Variants in PEAR1 observed in about 807,000 individuals in gnomAD.
PEAR1 encodes multiple EGF-like domains protein 12.
In PEAR1, 113 loss-of-function variants were observed where a neutral mutation model predicts 131.2. The observed-to-expected ratio is 0.86, with a 90% confidence interval of 0.74 to 1.01. The LOEUF is 1.01. PEAR1 is among the 50% of genes least tolerant of loss of function. The probability of loss-of-function intolerance (pLI) is 0.00; values close to 1 mark genes in which losing one functional copy is unlikely to be tolerated. For synonymous variants in PEAR1, 565 were observed against 523.3 expected (o/e 1.08, Z -1.09); for missense variants, 1,408 against 1,391.1 (o/e 1.01, Z -0.19).
chr1:156,899,181 A>T (rs1016722952), intron 1 of PEAR1, among the ~76,000 whole-genome samples: 1 of 152,116 alleles, frequency 6.6e-6, no homozygotes, highest in African/African-American at 2.4e-5. Context: ...GGATCAGAGG[A>T]CTCAAGTTAT....
chr1:156,910,686 C>T lies in PEAR1; in HGVS notation c.1894C>T (p.Pro632Ser). The T allele has an allele frequency of 6.2e-7, 1 of 1,614,144 alleles. No individual in the cohort carries two copies. The highest frequency in any genetic ancestry group is 8.5e-7 in the Non-Finnish European group (1 of 1,180,030). ...GTGCGCTAACCACTCCTTCTGCCAC[C>T]CCTCGAACGGGACCTGCTACTGCCT... ...CKCANHSFCH[P>S]SNGTCYCLAG... Residue 632 changes from proline (P) to serine (S), a missense_variant, in exon 15 of 23, where the codon CCC becomes TCC. By Grantham distance (74) the Pro-to-Ser change is moderately conservative. Coordinates refer to ENST00000292357, the MANE Select transcript of PEAR1 (RefSeq NM_001080471.3).
chr1:156,899,981 T>TC (rs1277130905), intron 1 of PEAR1, among the ~76,000 whole-genome samples: 2 of 151,852 alleles, frequency 1.3e-5, no homozygotes, highest in Non-Finnish European at 2.9e-5. Flanking sequence ...GGAACTCTAA[T>TC]CCCCCCCACC....
At position 156,908,078 on chromosome 1, in the gene PEAR1, C is replaced by CTGCGTGGGGCGGGGTG. The variant is rs1558136046; in HGVS notation, c.902+27_902+28insTGCGTGGGGCGGGGTG. On this transcript the variant is annotated intron_variant, in intron 8 of 22. Transcript: ENST00000292357. The surrounding 1 kb of genome is among the most constrained non-coding windows in gnomAD (Gnocchi z 4.2). The stretch of plus-strand genomic sequence containing the variant: ...TGAGTGGCGTGGGGCGGGCGGGAGA[C>CTGCGTGGGGCGGGGTG]GGGAGGGAGGAGGTGGGGCGCCGCC... 2.7e-6 allele frequency: 2 copies of CTGCGTGGGGCGGGGTG among 741,732 alleles called. No homozygotes were observed. The highest frequency in any genetic ancestry group is 4.3e-5 in the Admixed American group (2 of 47,046). 45.9% of individuals were successfully genotyped at this position (741,732 alleles called of 1,614,324 possible). A position where few individuals can be genotyped will look rare whatever the true frequency, so the allele number is the denominator to read the frequency against.
chr1:156,912,572 C>T lies in PEAR1; in HGVS notation c.2159C>T (p.Thr720Ile). The change falls in exon 17 of 23, where the codon ACT becomes ATT. Residue 720 changes from threonine to isoleucine, a missense_variant. By Grantham distance (89) the Thr-to-Ile change is moderately conservative. Coordinates refer to ENST00000292357, the MANE Select transcript of PEAR1 (RefSeq NM_001080471.3). ...CCTGGAGAAAAGTGCCACCCAGAGA[C>T]TGGGGCCTGTGTATGTCCCCCAGGG... ...CGPGEKCHPE[T>I]GACVCPPGHS... 1 of 1,614,086 alleles carries T rather than the reference C, an allele frequency of 6.2e-7. No individual in the cohort carries two copies.
intron 15 of PEAR1, among the ~76,000 whole-genome samples, chr1:156,911,102 C>CTTTCTTTCCTTCCTTTCTTTCT (rs1651081480): frequency 8.4e-6 from 1 of 119,104 alleles, no homozygotes; most frequent in South Asian, 2.8e-4. Flanking sequence ...TCCTTTCTTT[C>CTTTCTTTCCTTCCTTTCTTTCT]TTTCTTTTCT....
At chr1:156,898,401 C>T (rs1490149922) in intron 1 of PEAR1, among the ~76,000 whole-genome samples, 1 of 152,202 alleles carries the variant, frequency 6.6e-6, no homozygotes, top group East Asian at 1.9e-4. Flanking sequence ...ACTCTGGCCG[C>T]ATACGCAGGC....
intron 1 of PEAR1, among the ~76,000 whole-genome samples, chr1:156,894,350 TA>T (rs1186238183): frequency 6.6e-6 from 1 of 152,202 alleles, no homozygotes; most frequent in Non-Finnish European, 1.5e-5. Context: ...AGGAGAATAA[TA>T]TAGGGCCTAC....
intron 14 of PEAR1, 110 bp downstream of exon 14, chr1:156,910,490 C>G: frequency 1.3e-6 from 2 of 1,547,438 alleles, no homozygotes; most frequent in Non-Finnish European, 1.7e-6. Flanking sequence ...CCACCTTACC[C>G]CCGGTCTCTT....
At chr1:156,913,120 C>T (rs1382875640) in intron 18 of PEAR1, 74 bp from the exon 19 acceptor site, 8 of 1,562,122 alleles carry the variant, frequency 5.1e-6, no homozygotes, top group Non-Finnish European at 7.0e-6. Context: ...AAGTACTGAT[C>T]TCCGGGGACA....
In PEAR1 at chr1:156,912,912, C is replaced by G. The variant is rs1651400418; in HGVS notation, c.2352C>G (p.Gly784=). The G allele has an allele frequency of 1.9e-6, 3 of 1,614,240 alleles. No homozygotes were observed. The highest frequency in any genetic ancestry group is 2.5e-6 in the Non-Finnish European group (3 of 1,180,040). ...LFIGYRHWQK[G]KEHHHLAVAY... is the part of the protein sequence containing the mutation. ...TTGGCTATCGGCACTGGCAAAAAGG[C>G]AAGGAGCACCACCACCTGGCTGTGG... The change falls in exon 18 of 23, where the codon GGC becomes GGG. Residue 784 remains glycine (G), a synonymous_variant. Coordinates refer to ENST00000292357, the MANE Select transcript of PEAR1 (RefSeq NM_001080471.3).
chr1:156,914,847 C>T lies in PEAR1; in HGVS notation c.*49C>T, dbSNP rs1227884741. On this transcript the variant is annotated 3_prime_UTR_variant, in exon 23 of 23. Transcript: ENST00000292357. The stretch of plus-strand genomic sequence containing the variant: ...GCCAGCACACCTGGCTGTTGCTGCT[C>T]AAGGCTGGGGACAGAGCCTAGTGTA... The T allele has an allele frequency of 6.2e-7, 1 of 1,603,840 alleles. No homozygotes were observed. Among genetic ancestry groups the T allele is most frequent in the Non-Finnish European group, 8.5e-7 (1 of 1,173,884 alleles).
intron 1 of PEAR1, among the ~76,000 whole-genome samples, chr1:156,900,496 C>A (rs1273555821): frequency 1.3e-5 from 2 of 152,170 alleles, no homozygotes; most frequent in African/African-American, 4.8e-5. Flanking sequence ...CCTGGCTGTG[C>A]GGTCCTGGTC....
rs770204066 is a variant in PEAR1 at position 156,910,662 on chromosome 1, T to G, written c.1870T>G (p.Cys624Gly). The G allele has an allele frequency of 1.2e-6, 2 of 1,614,004 alleles. No homozygotes were observed. The highest frequency in any genetic ancestry group is 1.3e-5 in the African/African-American group (1 of 74,928). ...RYGKRCVPCK[C>G]ANHSFCHPSN... ...TGGCAAACGCTGTGTGCCCTGCAAG[T>G]GCGCTAACCACTCCTTCTGCCACCC... Residue 624 changes from cysteine (C) to glycine (G), a missense_variant, in exon 15 of 23, where the codon TGC (cysteine) becomes GGC (glycine). By Grantham distance (159) the Cys-to-Gly change is radical. Transcript: ENST00000292357.
rs538084934 is a variant in PEAR1, at chr1:156,912,318, C to T, written c.2023C>T (p.Pro675Ser). 6.2e-7 allele frequency: 1 copy of T among 1,614,072 alleles called. No individual in the cohort carries two copies. Among genetic ancestry groups the T allele is most frequent in the South Asian group, 1.1e-5 (1 of 91,080 alleles). ...ATGTCACCATGGTGGGACCTGCCAT[C>T]CCCAGGATGGGAGCTGTATCTGCCC... is the stretch of plus-strand genomic sequence containing the variant. ...CQCHHGGTCH[P>S]QDGSCICPLG... Residue 675 changes from proline to serine, a missense_variant, in exon 16 of 23, where the codon CCC (proline) becomes TCC (serine). Coordinates refer to ENST00000292357, the MANE Select transcript of PEAR1 (RefSeq NM_001080471.3).
At chr1:156,910,921 A>C (rs943307941) in intron 15 of PEAR1, among the ~76,000 whole-genome samples, 178 bp downstream of exon 15, 2 of 152,228 alleles carry the variant, frequency 1.3e-5, no homozygotes, top group Non-Finnish European at 1.5e-5. Flanking sequence ...TGCAGCAGTG[A>C]ACAGGTCAGG....
chr1:156,904,995 T>C (rs1025285313), intron 3 of PEAR1, 143 bp downstream of exon 3: 1 of 1,550,842 alleles, frequency 6.4e-7, no homozygotes, highest in Non-Finnish European at 8.7e-7. Context: ...ATGGTCTGTG[T>C]CGGGTACGTG....
rs185746661 is a variant in PEAR1, at chr1:156,915,152, T to G, written c.*354T>G. 4.9e-6 allele frequency: 1 copy of G among 203,628 alleles called. No homozygotes were observed. Among genetic ancestry groups the G allele is most frequent in the Admixed American group, 6.0e-5 (1 of 16,562 alleles). 12.6% of individuals were successfully genotyped at this position (203,628 alleles called of 1,614,324 possible). A position where few individuals can be genotyped will look rare whatever the true frequency, so the allele number is the denominator to read the frequency against. The stretch of plus-strand genomic sequence containing the variant: ...GGCTCTGTGCGTGTGTGTGTTTCTG[T>G]GATTTTAGAAGGGTACCAGGCACAG... On this transcript the variant is annotated 3_prime_UTR_variant, in exon 23 of 23. Coordinates refer to ENST00000292357, the MANE Select transcript of PEAR1 (RefSeq NM_001080471.3).
intron 1 of PEAR1, among the ~76,000 whole-genome samples, chr1:156,895,391 C>T (rs1432728079): frequency 6.6e-6 from 1 of 152,220 alleles, no homozygotes; most frequent in Non-Finnish European, 1.5e-5. Flanking sequence ...CGGCATTCCC[C>T]AAGCCTCTCC....
chr1:156,910,446 G>A (rs948041857), intron 14 of PEAR1, 66 bp downstream of exon 14: 108 of 1,545,878 alleles, frequency 7.0e-5, no homozygotes, highest in Non-Finnish European at 9.0e-5. Context: ...AGCTGCCAGA[G>A]CACCCCTCCC....
Sources: gnomAD v4.1 joint callset for allele counts (sites outside exome capture counted in the v4.1 genomes callset) on GRCh38, gnomAD v4.1.1 for gene constraint, Gnocchi (gnomAD v3.1) non-coding constraint, MANE v1.5 for transcripts, NCBI Gene and HGNC (gene_info 2026-07-23, HGNC 2026-07-21) for gene names.